Variants in IFT43 observed in about 807,000 individuals in gnomAD.
IFT43 encodes the protein intraflagellar transport 43, also known as intraflagellar transport protein 43 homolog.
Under a neutral mutation model 32.3 loss-of-function variants are expected in IFT43, and 33 were observed. The observed-to-expected ratio is 1.02, with a 90% CI of 0.77 to 1.37. The LOEUF (loss-of-function observed/expected upper bound fraction) is 1.37. Ranked by LOEUF, IFT43 falls within the 40% of genes most tolerant of loss-of-function variation. The pLI, the probability that IFT43 is intolerant of heterozygous loss-of-function variation, is 0.00. For missense variants in IFT43, 274 were observed against 265.9 expected (o/e 1.03, Z -0.21); for synonymous variants, 93 against 98.2 (o/e 0.95, Z 0.31).
intron 1 of IFT43, 145 bp from the exon 2 acceptor site, chr14:75,988,740 G>C: frequency 1.8e-6 from 2 of 1,137,420 alleles, no homozygotes; most frequent in South Asian, 2.5e-5. Context: ...GGATGGTCTG[G>C]ATCTCCTGAC....
At chr14:76,035,988 G>A (rs2036590972) in intron 3 of IFT43, among the ~76,000 whole-genome samples, 1 of 152,232 alleles carries the variant, frequency 6.6e-6, no homozygotes, top group East Asian at 1.9e-4. Context: ...GTCTCAAGAA[G>A]ATATACCTAT....
At chr14:76,044,193 C>A (rs1285969160) in intron 3 of IFT43, among the ~76,000 whole-genome samples, 5 of 152,142 alleles carry the variant, frequency 3.3e-5, no homozygotes, top group African/African-American at 1.2e-4. Flanking sequence ...GCATGTACCA[C>A]CACGCCCAGC....
At chr14:75,986,566 C>A (rs2035533910) in intron 1 of IFT43, among the ~76,000 whole-genome samples, 1 of 152,092 alleles carries the variant, frequency 6.6e-6, no homozygotes, top group Non-Finnish European at 1.5e-5. Flanking sequence ...GCGTGTAACT[C>A]AGTGCTTGGC....
chr14:76,082,577 C>G (rs376548712), intron 6 of IFT43, 40 bp from the exon 7 acceptor site: 2 of 1,613,700 alleles, frequency 1.2e-6, no homozygotes, highest in African/African-American at 2.7e-5. Context: ...GGAACAGGTC[C>G]TGCCTGGGGT....
At chr14:75,988,681 G>C (rs2035577969) in intron 1 of IFT43, among the ~76,000 whole-genome samples, 2 of 152,150 alleles carry the variant, frequency 1.3e-5, no homozygotes, top group South Asian at 4.1e-4. Context: ...ACAACGCCAG[G>C]CTAATCTTTT....
chr14:76,078,597 G>A (rs1008577087), intron 5 of IFT43, among the ~76,000 whole-genome samples: 6 of 152,160 alleles, frequency 3.9e-5, no homozygotes, highest in Admixed American at 6.5e-5. Flanking sequence ...CAGGCCCCAC[G>A]TGGGACAGAG....
intron 2 of IFT43, among the ~76,000 whole-genome samples, chr14:76,004,157 T>C (rs761367673): frequency 3.9e-5 from 6 of 152,250 alleles, no homozygotes; most frequent in Non-Finnish European, 5.9e-5. Flanking sequence ...CCAATAGATC[T>C]AAGTTTCCAT....
chr14:76,000,103 TAC>T (rs1402978594), intron 2 of IFT43, among the ~76,000 whole-genome samples: 1 of 152,218 alleles, frequency 6.6e-6, no homozygotes, highest in Non-Finnish European at 1.5e-5. Context: ...TTTACATTTT[TAC>T]AGTTACAATA....
intron 2 of IFT43, among the ~76,000 whole-genome samples, chr14:76,006,825 TA>T (rs2035988176): frequency 1.3e-5 from 2 of 151,568 alleles, no homozygotes; most frequent in South Asian, 4.2e-4. Flanking sequence ...TCTAGATGTT[TA>T]AAAAATATTT....
intron 2 of IFT43, among the ~76,000 whole-genome samples, chr14:76,008,400 C>T (rs902067625): frequency 6.6e-6 from 1 of 152,098 alleles, no homozygotes; most frequent in African/African-American, 2.4e-5. Context: ...ATATAATAGC[C>T]ACTGTTATCA....
At chr14:76,069,421 G>A (rs888273311) in intron 5 of IFT43, among the ~76,000 whole-genome samples, 9 of 152,132 alleles carry the variant, frequency 5.9e-5, no homozygotes, top group Non-Finnish European at 1.3e-4. Context: ...GAGAGGAGAG[G>A]AGACAGCAAG....
chr14:76,003,393 C>T (rs2035925521), intron 2 of IFT43, among the ~76,000 whole-genome samples: 1 of 151,972 alleles, frequency 6.6e-6, no homozygotes, highest in Non-Finnish European at 1.5e-5. Flanking sequence ...TTTGGGAGGC[C>T]GAGGCGGGTG....
At chr14:76,081,985 G>A (rs550715294) in intron 5 of IFT43, among the ~76,000 whole-genome samples, 73 of 152,208 alleles carry the variant, frequency 4.8e-4, no homozygotes, top group African/African-American at 1.8e-3. Context: ...TTTCTCCTTG[G>A]AGATCCACTG....
At chr14:76,011,602 GT>G (rs2036087134) in intron 2 of IFT43, among the ~76,000 whole-genome samples, 1 of 152,220 alleles carries the variant, frequency 6.6e-6, no homozygotes, top group South Asian at 2.1e-4. Context: ...CCACCAGTCA[GT>G]CTTGTACCTA....
intron 2 of IFT43, among the ~76,000 whole-genome samples, chr14:76,006,687 A>G (rs1273574732): frequency 2.0e-5 from 3 of 152,258 alleles, no homozygotes; most frequent in East Asian, 1.9e-4. Context: ...TTAACCATTT[A>G]AAAAATGGTT....
At position 75,994,104 on chromosome 14, in the gene IFT43, T is replaced by C. The variant is rs533952637; in HGVS notation, c.147+5127T>C. 4.8e-4 allele frequency among the ~76,000 whole-genome samples: 64 copies of C among 133,910 alleles called. 2 individuals are homozygous for C. The highest frequency in any genetic ancestry group is 1.6e-3 in the African/African-American group (49 of 30,680). 87.9% of individuals were successfully genotyped at this position (133,910 alleles called of 152,430 possible). A position where few individuals can be genotyped will look rare whatever the true frequency, so the allele number is the denominator to read the frequency against. ...AACAAATAGAAATTATAGAAAGCCC[T>C]TTTTTTTTTTTGTAGCCCTGGGTAT... On this transcript the variant is annotated intron_variant, in intron 2 of 8. Transcript: ENST00000314067.
intron 5 of IFT43, among the ~76,000 whole-genome samples, chr14:76,062,810 G>A (rs559100162): frequency 1.3e-5 from 2 of 150,992 alleles, no homozygotes; most frequent in Admixed American, 6.6e-5. Flanking sequence ...CCAGCTACTC[G>A]GGAGGCTGAG....
At chr14:76,059,569 G>C (rs2037091183) in intron 5 of IFT43, 196 bp downstream of exon 5, 1 of 612,376 alleles carries the variant, frequency 1.6e-6, no homozygotes, top group Non-Finnish European at 2.9e-6. Flanking sequence ...TTCTTTATCT[G>C]ATAACCCTGC....
At chr14:76,045,073 C>A (rs2036780096) in intron 3 of IFT43, among the ~76,000 whole-genome samples, 3 of 152,178 alleles carry the variant, frequency 2.0e-5, no homozygotes, top group Admixed American at 1.3e-4. Context: ...TGCCCCAACA[C>A]CCACATTGTT....
Sources: allele counts gnomAD v4.1 joint callset (sites outside exome capture counted in the v4.1 genomes callset), GRCh38; gene constraint gnomAD v4.1.1; transcripts MANE v1.5; gene names NCBI Gene and HGNC (gene_info 2026-07-23, HGNC 2026-07-21).